ITGAE: variants seen among roughly 807,000 people sequenced by gnomAD.
ITGAE encodes the protein integrin subunit alpha E.
ITGAE carries 99 observed loss-of-function variants against 136.5 expected under a neutral mutation model. The ratio of observed to expected loss-of-function variants is 0.73; its 90% CI spans 0.62 to 0.86. The LOEUF (loss-of-function observed/expected upper bound fraction) is 0.86. ITGAE is among the 40% of genes least tolerant of loss of function. The probability of loss-of-function intolerance (pLI) is 0.00; values close to 1 mark genes in which losing one functional copy is unlikely to be tolerated. For synonymous variants in ITGAE, 613 were observed against 591.8 expected, an observed-to-expected ratio of 1.04 and a Z score of -0.52; for missense variants, 1,447 against 1,515.3, an observed-to-expected ratio of 0.95 and a Z score of 0.75.
At chr17:3,716,623 A>T in intron 30 of ITGAE, 65 bp downstream of exon 30, 1 of 988,964 alleles carries the variant, frequency 1.0e-6, no homozygotes, top group Non-Finnish European at 1.6e-6. Flanking sequence ...GGCTGTCCTA[A>T]GGAGTTCTGT....
intron 1 of ITGAE, among the ~76,000 whole-genome samples, chr17:3,779,178 G>C (rs1015749994): frequency 6.6e-6 from 1 of 152,100 alleles, no homozygotes; most frequent in South Asian, 2.1e-4. Flanking sequence ...GCATGTGTCA[G>C]AACACACGCA....
chr17:3,728,642 G>T (rs2051271970), intron 24 of ITGAE, among the ~76,000 whole-genome samples: 1 of 149,832 alleles, frequency 6.7e-6, no homozygotes, highest in Admixed American at 6.7e-5. Flanking sequence ...CAAAGTGCTG[G>T]GATGACAGGC....
intron 9 of ITGAE, 100 bp downstream of exon 9, chr17:3,757,605 TG>T: frequency 7.9e-7 from 1 of 1,265,056 alleles, no homozygotes; most frequent in Non-Finnish European, 1.1e-6. Context: ...GAACAGGGTC[TG>T]GATAAGCTGC....
intron 8 of ITGAE, 145 bp from the exon 9 acceptor site, chr17:3,758,004 T>A: frequency 1.1e-6 from 1 of 927,632 alleles, no homozygotes; most frequent in Non-Finnish European, 1.6e-6. Context: ...GATGCCCCCT[T>A]AAGTCACGCA....
intron 1 of ITGAE, among the ~76,000 whole-genome samples, chr17:3,797,621 T>C (rs1364641471): frequency 1.3e-5 from 2 of 151,874 alleles, no homozygotes; most frequent in Non-Finnish European, 2.9e-5. Context: ...CCACCATGCC[T>C]GGCTCATTTT....
intron 26 of ITGAE, chr17:3,724,677 C>A: frequency 6.2e-7 from 1 of 1,614,180 alleles, no homozygotes; most frequent in Non-Finnish European, 8.5e-7. Context: ...TCTCTTTGGC[C>A]TTATGAACTC....
chr17:3,734,778 G>C, intron 21 of ITGAE, 39 bp downstream of exon 21: 1 of 1,612,376 alleles, frequency 6.2e-7, no homozygotes, highest in Non-Finnish European at 8.5e-7. Context: ...CGAGGGAGGG[G>C]CGTGAGGGAC....
At chr17:3,745,430 C>A (rs1311694923) in intron 18 of ITGAE, among the ~76,000 whole-genome samples, 2 of 152,160 alleles carry the variant, frequency 1.3e-5, no homozygotes, top group African/African-American at 4.8e-5. Context: ...CAACCTCCCT[C>A]CCCTGGATTC....
rs1314931294 is a variant in ITGAE at position 3,734,861 on chromosome 17, C to T, written c.2611G>A (p.Ala871Thr). 1 of 1,614,178 alleles carries T rather than the reference C, an allele frequency of 6.2e-7. No homozygotes were observed. Among genetic ancestry groups the T allele is most frequent in the African/African-American group, 1.3e-5 (1 of 75,048 alleles). Reference protein sequence around the residue: ...SGEDSYMTSMALNYPRNLQLK... With the variant: ...SGEDSYMTSMTLNYPRNLQLK... ...TGCAGGTTTCTGGGGTAATTCAAGG[C>T]CATGCTTGTCATGTAGGAATCTTCC... The change falls in exon 21 of 31, where the codon GCC (alanine) becomes ACC (threonine). Residue 871 changes from alanine to threonine, a missense_variant. Physicochemically the swap from Ala to Thr is moderately conservative, Grantham distance 58. This residue lies in a region of ITGAE where 1,031 missense variants were observed against 1,011.4 expected (regional missense o/e 1.02). Coordinates refer to ENST00000263087, the MANE Select transcript of ITGAE (RefSeq NM_002208.5).
chr17:3,753,223 C>T, intron 14 of ITGAE, 67 bp downstream of exon 14: 3 of 1,547,120 alleles, frequency 1.9e-6, no homozygotes, highest in Non-Finnish European at 2.6e-6. Flanking sequence ...CTCCCAGCCT[C>T]CATCACCTCT....
chr17:3,785,792 G>GA (rs139454793), intron 1 of ITGAE, among the ~76,000 whole-genome samples: 8,924 of 137,526 alleles, frequency 0.065, 412 homozygotes, highest in East Asian at 0.14. Context: ...TACTGAACAA[G>GA]AAAAAAAAAA....
chr17:3,781,904 G>A (rs1373175269), intron 1 of ITGAE, among the ~76,000 whole-genome samples: 2 of 151,970 alleles, frequency 1.3e-5, no homozygotes, highest in African/African-American at 2.4e-5. Context: ...GCTTGGACAC[G>A]TTAGTCTCCT....
Position 3,755,875 on chromosome 17 carries a change from G to A in ITGAE, c.1194C>T (p.His398=). ...TGAAGCCAATCTGTGCCAGCTGGTA[G>A]TGAAGGGCGTCTCCAACCGTGCCTG... ...SMEGTVGDAL[H]YQLAQIGFSA... The change falls in exon 11 of 31, where the codon CAC becomes CAT. Residue 398 remains histidine, a synonymous_variant. Coordinates refer to ENST00000263087, the MANE Select transcript of ITGAE (RefSeq NM_002208.5). 1.3e-6 allele frequency: 2 copies of A among 1,599,970 alleles called. No individual in the cohort carries two copies. Among genetic ancestry groups the A allele is most frequent in the Non-Finnish European group, 1.7e-6 (2 of 1,173,494 alleles).
chr17:3,723,840 A>C (rs570909852), intron 26 of ITGAE, 96 bp from the exon 27 acceptor site: 1 of 1,535,952 alleles, frequency 6.5e-7, no homozygotes, highest in African/African-American at 1.4e-5. Flanking sequence ...GCGCATGCGC[A>C]GGGCCGGGAG....
chr17:3,784,024 G>A (rs921093408), intron 1 of ITGAE, among the ~76,000 whole-genome samples: 7 of 152,210 alleles, frequency 4.6e-5, no homozygotes, highest in Admixed American at 4.6e-4. Flanking sequence ...ACTTTGGGAG[G>A]CCGAGGCGGG....
At chr17:3,752,580 A>G (rs892978224) in intron 14 of ITGAE, among the ~76,000 whole-genome samples, 2 of 152,050 alleles carry the variant, frequency 1.3e-5, no homozygotes, top group African/African-American at 2.4e-5. Flanking sequence ...ACATGGCGGA[A>G]CCCCATCTCT....
intron 26 of ITGAE, among the ~76,000 whole-genome samples, chr17:3,727,034 A>C (rs2051229896): frequency 1.3e-5 from 2 of 151,926 alleles, no homozygotes; most frequent in Non-Finnish European, 2.9e-5. Context: ...CTGACCTATA[A>C]GCCCTCTTTC....
intron 1 of ITGAE, among the ~76,000 whole-genome samples, chr17:3,793,938 C>T (rs1424268771): frequency 1.3e-5 from 2 of 149,804 alleles, no homozygotes; most frequent in African/African-American, 4.9e-5. Flanking sequence ...TTGAAGTGCT[C>T]TGTCCTCAGC....
chr17:3,785,496 GAGGAAGGA>G (rs71153402), intron 1 of ITGAE, among the ~76,000 whole-genome samples: 18,975 of 107,514 alleles, frequency 0.18, 2,345 homozygotes, highest in African/African-American at 0.35. Flanking sequence ...AGGAAGGAAG[GAGGAAGGA>G]AGGAAGGAAG....
Sources: gnomAD v4.1 joint callset for allele counts (sites outside exome capture counted in the v4.1 genomes callset) on GRCh38, gnomAD v4.1.1 for gene constraint, gnomAD v4.1.1 regional missense constraint, MANE v1.5 for transcripts, NCBI Gene and HGNC (gene_info 2026-07-23, HGNC 2026-07-21) for gene names.